USP15: variants seen among roughly 807,000 people sequenced by gnomAD.
USP15 encodes ubiquitin carboxyl-terminal hydrolase 15.
USP15 carries 18 observed loss-of-function variants against 127.1 expected under a neutral mutation model. That is an observed-to-expected ratio of 0.14 (90% CI 0.10 to 0.21). The LOEUF is 0.21. Ranked by LOEUF, USP15 falls within the 10% of genes least tolerant of loss-of-function variation. The probability of loss-of-function intolerance (pLI) is 1.00; values close to 1 mark genes in which losing one functional copy is unlikely to be tolerated. For synonymous variants in USP15, 364 were observed against 393.7 expected, an observed-to-expected ratio of 0.92 and a Z score of 0.89; for missense variants, 805 against 1,159.9, an observed-to-expected ratio of 0.69 and a Z score of 4.44.
chr12:62,270,937 A>G (rs2063333766), intron 1 of USP15, among the ~76,000 whole-genome samples: 1 of 151,852 alleles, frequency 6.6e-6, no homozygotes, highest in East Asian at 1.9e-4. Flanking sequence ...TTCGAAATCT[A>G]CCCCATCTCT....
intron 16 of USP15, 52 bp downstream of exon 16, chr12:62,391,481 T>G: frequency 6.4e-7 from 1 of 1,558,210 alleles, no homozygotes; most frequent in Non-Finnish European, 8.6e-7. Context: ...AGCATGTTAT[T>G]TTTTTTTTAG....
intron 19 of USP15, chr12:62,393,700 C>G (rs1565912683): frequency 6.6e-6 from 1 of 152,560 alleles, no homozygotes; most frequent in East Asian, 1.9e-4. Context: ...GGTGATTCTC[C>G]TGCCTCAGCC....
intron 8 of USP15, chr12:62,374,439 C>G: frequency 1.0e-6 from 1 of 985,676 alleles, no homozygotes; most frequent in Non-Finnish European, 1.2e-6. Context: ...GAGAATTGGG[C>G]TTCTGGAGCA....
intron 2 of USP15, chr12:62,294,648 ATAAT>A (rs1304649068): frequency 6.1e-6 from 1 of 164,158 alleles, no homozygotes; most frequent in East Asian, 1.8e-4. Context: ...TTGTTATTAA[ATAAT>A]TAAACACTGA....
At chr12:62,286,402 GA>G (rs2063786505) in intron 1 of USP15, among the ~76,000 whole-genome samples, 2 of 152,262 alleles carry the variant, frequency 1.3e-5, no homozygotes, top group South Asian at 4.1e-4. Context: ...AGAGAAAAGG[GA>G]ATGTTTAATA....
chr12:62,352,287 G>C (rs1233586735), intron 7 of USP15, among the ~76,000 whole-genome samples: 2 of 151,664 alleles, frequency 1.3e-5, no homozygotes, highest in African/African-American at 4.8e-5. Context: ...TTAAAAACCA[G>C]TATTATGAAA....
intron 20 of USP15, among the ~76,000 whole-genome samples, chr12:62,399,546 C>T (rs1178236917): frequency 1.3e-5 from 2 of 152,172 alleles, no homozygotes; most frequent in African/African-American, 4.8e-5. Flanking sequence ...TTTCTGCCTC[C>T]ATCCATTCTG....
chr12:62,269,226 A>G (rs2063279705), intron 1 of USP15, among the ~76,000 whole-genome samples: 1 of 152,102 alleles, frequency 6.6e-6, no homozygotes, highest in African/African-American at 2.4e-5. Flanking sequence ...TGCCTACTAC[A>G]TACCTAGGAT....
At chr12:62,292,503 C>T (rs529773147) in intron 1 of USP15, among the ~76,000 whole-genome samples, 1 of 152,232 alleles carries the variant, frequency 6.6e-6, no homozygotes, top group Non-Finnish European at 1.5e-5. Context: ...CTTCAGATAG[C>T]CTGCCCTCTG....
At chr12:62,320,190 G>T (rs545248810) in intron 4 of USP15, among the ~76,000 whole-genome samples, 1 of 152,186 alleles carries the variant, frequency 6.6e-6, no homozygotes, top group African/African-American at 2.4e-5. Flanking sequence ...TGTGTTGGAG[G>T]AGGTGCCTGC....
chr12:62,299,120 T>G (rs1443820740), intron 2 of USP15, among the ~76,000 whole-genome samples: 2 of 152,112 alleles, frequency 1.3e-5, no homozygotes, highest in African/African-American at 2.4e-5. Flanking sequence ...ATATGTGTGT[T>G]TTTTTGTTTA....
Position 62,341,030 on chromosome 12 carries a change from A to G in USP15, c.684-8191A>G, listed in dbSNP as rs546117185. On this transcript the variant is annotated intron_variant, in intron 6 of 21. Transcript: ENST00000280377. ...GTCTGAGTCTCTTTCTAGGTCTCTAAGAACTTGTTTTATGAATCTGGGTGC... is the reference window on the plus strand; with the variant it reads ...GTCTGAGTCTCTTTCTAGGTCTCTAGGAACTTGTTTTATGAATCTGGGTGC... Among the ~76,000 whole-genome samples, 16 of 152,294 alleles carry G rather than the reference A, an allele frequency of 1.1e-4. No individual in the cohort carries two copies. The South Asian group carries it at 3.3e-3, about 32-fold the overall frequency.
chr12:62,286,829 C>T (rs766663569), intron 1 of USP15, among the ~76,000 whole-genome samples: 8 of 151,468 alleles, frequency 5.3e-5, no homozygotes, highest in Non-Finnish European at 7.4e-5. Flanking sequence ...CCCGGCTACT[C>T]GGAAGGCTGA....
chr12:62,332,215 C>G (rs2065325542), intron 6 of USP15, among the ~76,000 whole-genome samples: 1 of 150,216 alleles, frequency 6.7e-6, no homozygotes, highest in Non-Finnish European at 1.5e-5. Flanking sequence ...TACTAGATAT[C>G]AACAAAGAAT....
chr12:62,273,180 C>CT (rs1565806211), intron 1 of USP15, among the ~76,000 whole-genome samples: 3 of 152,016 alleles, frequency 2.0e-5, no homozygotes, highest in African/African-American at 7.2e-5. Flanking sequence ...AGTTTAGATA[C>CT]TTTTTCTTAC....
chr12:62,339,767 T>C (rs1339335132), intron 6 of USP15, among the ~76,000 whole-genome samples: 2 of 152,200 alleles, frequency 1.3e-5, no homozygotes, highest in East Asian at 3.8e-4. Flanking sequence ...CTTTTTGATG[T>C]GCTGCTGGAT....
At chr12:62,272,843 A>T (rs1272987432) in intron 1 of USP15, among the ~76,000 whole-genome samples, 1 of 152,106 alleles carries the variant, frequency 6.6e-6, no homozygotes, top group Non-Finnish European at 1.5e-5. Context: ...ATTCATGTTA[A>T]TATAACTTTA....
intron 1 of USP15, among the ~76,000 whole-genome samples, chr12:62,266,543 TATG>T (rs2063197091): frequency 6.6e-6 from 1 of 152,198 alleles, no homozygotes; most frequent in Non-Finnish European, 1.5e-5. Context: ...GAATTTATCT[TATG>T]ATGTGAGTTT....
chr12:62,324,478 A>T (rs1565855201), intron 5 of USP15, among the ~76,000 whole-genome samples: 1 of 151,976 alleles, frequency 6.6e-6, no homozygotes, highest in African/African-American at 2.4e-5. Context: ...AATTGCAGTA[A>T]AGCAAAACAT....
Sources: allele counts gnomAD v4.1 joint callset (sites outside exome capture counted in the v4.1 genomes callset), GRCh38; gene constraint gnomAD v4.1.1; transcripts MANE v1.5; gene names NCBI Gene and HGNC (gene_info 2026-07-23, HGNC 2026-07-21).